The following GPRC6A variants were observed in gnomAD, a reference collection of about 807,000 sequenced individuals.
The protein encoded by GPRC6A is G protein-coupled receptor family C group 6 member A.
Under a neutral mutation model 47.0 loss-of-function variants are expected in GPRC6A, and 54 were observed. That is an observed-to-expected ratio of 1.15 (90% CI 0.92 to 1.44). GPRC6A has a LOEUF of 1.44. Among genes scored for constraint, GPRC6A ranks in the 40% most tolerant of loss-of-function variants. The pLI is 0.00. For synonymous variants in GPRC6A, 347 were observed against 377.1 expected (o/e 0.92, Z 0.93); for missense variants, 1,112 against 1,105.5 (o/e 1.01, Z -0.08).
chr6:116,792,420 A>G lies in GPRC6A; in HGVS notation c.2503T>C (p.Tyr835His), dbSNP rs906562085. ...ILYCTFIPKC[Y>H]VIICKQEINT... ...ATCTCTTGCTTACAAATAATAACAT[A>G]GCATTTGGGGATGAATGTGCAATAC... is the stretch of plus-strand genomic sequence containing the variant. Residue 835 changes from tyrosine (Y) to histidine (H), a missense_variant, in exon 6 of 6, where the codon TAT (tyrosine) becomes CAT (histidine). Tyr to His is a moderately conservative substitution (Grantham distance 83). Transcript: ENST00000310357. 1 of 1,614,046 alleles carries G rather than the reference A, an allele frequency of 6.2e-7. No homozygotes were observed. The highest frequency in any genetic ancestry group is 8.5e-7 in the Non-Finnish European group (1 of 1,179,936).
At chr6:116,818,520 C>T (rs1456174407) in intron 1 of GPRC6A, among the ~76,000 whole-genome samples, 3 of 46,606 alleles carry the variant, frequency 6.4e-5, no homozygotes, top group Non-Finnish European at 1.3e-4. Flanking sequence ...GGCGACAGAG[C>T]GAGACTCCGT....
chr6:116,814,468 C>T (rs185141824), intron 1 of GPRC6A, among the ~76,000 whole-genome samples: 18 of 152,174 alleles, frequency 1.2e-4, no homozygotes, highest in Admixed American at 2.6e-4. Context: ...ATGGATGAAG[C>T]TGGAAACCAT....
intron 4 of GPRC6A, among the ~76,000 whole-genome samples, chr6:116,796,815 C>T (rs1413620881): frequency 6.6e-6 from 1 of 152,084 alleles, no homozygotes; most frequent in Non-Finnish European, 1.5e-5. Flanking sequence ...TGGGAATTCC[C>T]CAGGGCAAAC....
intron 1 of GPRC6A, among the ~76,000 whole-genome samples, chr6:116,819,197 G>T (rs1160578693): frequency 2.0e-5 from 3 of 151,848 alleles, no homozygotes; most frequent in African/African-American, 4.8e-5. Context: ...GGAGCACCCA[G>T]ATTCATAAAG....
At chr6:116,818,053 A>G (rs529062042) in intron 1 of GPRC6A, among the ~76,000 whole-genome samples, 13 of 152,158 alleles carry the variant, frequency 8.5e-5, no homozygotes, top group Non-Finnish European at 1.8e-4. Context: ...ACTCCTCGAG[A>G]AGAGCAACTC....
intron 1 of GPRC6A, among the ~76,000 whole-genome samples, chr6:116,826,423 A>G (rs1773677322): frequency 6.6e-6 from 1 of 151,958 alleles, no homozygotes; most frequent in Non-Finnish European, 1.5e-5. Flanking sequence ...GCCAACTGGT[A>G]TATAAAAAAT....
At chr6:116,828,237 A>G (rs1158144440) in intron 1 of GPRC6A, among the ~76,000 whole-genome samples, 3 of 152,162 alleles carry the variant, frequency 2.0e-5, no homozygotes, top group Non-Finnish European at 4.4e-5. Context: ...ACTTTTCCAC[A>G]TTATACTGTG....
At chr6:116,812,723 C>T (rs1256077516) in intron 1 of GPRC6A, among the ~76,000 whole-genome samples, 2 of 152,180 alleles carry the variant, frequency 1.3e-5, no homozygotes, top group African/African-American at 4.8e-5. Flanking sequence ...TCTCTCACCA[C>T]TCCTATTCAA....
At chr6:116,821,429 T>C (rs1219060119) in intron 1 of GPRC6A, among the ~76,000 whole-genome samples, 9 of 152,068 alleles carry the variant, frequency 5.9e-5, no homozygotes, top group Admixed American at 5.9e-4. Context: ...AGAACAAAGC[T>C]GGAGGCATCA....
intron 1 of GPRC6A, among the ~76,000 whole-genome samples, chr6:116,826,201 TTAAAA>T (rs1773671455): frequency 6.6e-6 from 1 of 151,642 alleles, no homozygotes; most frequent in African/African-American, 2.4e-5. Context: ...TGGTAGTATA[TTAAAA>T]TAAAAATCTC....
rs150642020 is a variant in GPRC6A, at chr6:116,792,643, G to C, written c.2280C>G (p.Ala760=). 1,679 of 1,613,510 alleles carry C rather than the reference G, an allele frequency of 1.0e-3. 6 individuals carry two copies. The African/African-American group carries it at 0.019, about 18-fold the overall frequency. ...ATATGAAGCAAATGAAGGCCAGGAT[G>C]GCAATGTAGCCCAGCATGGTGCCAA... is the stretch of plus-strand genomic sequence containing the variant. The part of the protein sequence containing the change: ...LAFGTMLGYI[A]ILAFICFIFA... Residue 760 remains alanine, a synonymous_variant, in exon 6 of 6, where the codon GCC becomes GCG. Transcript: ENST00000310357.
intron 3 of GPRC6A, among the ~76,000 whole-genome samples, chr6:116,803,987 C>T (rs1407916557): frequency 6.6e-6 from 1 of 152,016 alleles, no homozygotes. Context: ...CTGTCCTGTT[C>T]TCCGTAATAT....
intron 1 of GPRC6A, among the ~76,000 whole-genome samples, chr6:116,814,406 A>G (rs796391156): frequency 6.6e-6 from 1 of 152,242 alleles, no homozygotes; most frequent in Admixed American, 6.5e-5. Context: ...CATATACACC[A>G]TGGAGTACTA....
intron 1 of GPRC6A, among the ~76,000 whole-genome samples, chr6:116,812,405 C>A (rs1040627355): frequency 1.3e-5 from 2 of 152,040 alleles, no homozygotes; most frequent in East Asian, 3.9e-4. Flanking sequence ...TGATGCTTAT[C>A]ATGGTGAAAA....
At chr6:116,805,418 T>C (rs538584088) in intron 3 of GPRC6A, among the ~76,000 whole-genome samples, 2 of 151,978 alleles carry the variant, frequency 1.3e-5, no homozygotes, top group Non-Finnish European at 2.9e-5. Context: ...ACTTGTATGA[T>C]CAGAAGAATT....
At chr6:116,814,588 C>T (rs980791575) in intron 1 of GPRC6A, among the ~76,000 whole-genome samples, 2 of 152,072 alleles carry the variant, frequency 1.3e-5, no homozygotes, top group African/African-American at 2.4e-5. Context: ...GAACATCACA[C>T]ACTGGGGCTT....
chr6:116,816,398 G>A (rs191199722), intron 1 of GPRC6A, among the ~76,000 whole-genome samples: 22 of 152,358 alleles, frequency 1.4e-4, no homozygotes, highest in African/African-American at 5.0e-4. Context: ...ACATCTTAAA[G>A]CTCCAAAATA....
intron 3 of GPRC6A, among the ~76,000 whole-genome samples, chr6:116,803,162 C>T (rs189423134): frequency 8.7e-4 from 132 of 152,144 alleles, no homozygotes; most frequent in African/African-American, 3.0e-3. Flanking sequence ...ATTTTTGATG[C>T]TCTCTGTCAT....
At chr6:116,807,874 C>T (rs535813062) in intron 2 of GPRC6A, among the ~76,000 whole-genome samples, 1 of 152,180 alleles carries the variant, frequency 6.6e-6, no homozygotes, top group East Asian at 1.9e-4. Context: ...TTTGGAAGAC[C>T]TACTTAATGT....
Sources: gnomAD v4.1 joint callset for allele counts (sites outside exome capture counted in the v4.1 genomes callset) on GRCh38, gnomAD v4.1.1 for gene constraint, MANE v1.5 for transcripts, NCBI Gene and HGNC (gene_info 2026-07-23, HGNC 2026-07-21) for gene names.